SSC5D: variants seen among roughly 807,000 people sequenced by gnomAD.
The protein encoded by SSC5D is soluble scavenger receptor cysteine-rich domain-containing protein SSC5D.
Under a neutral mutation model 104.6 loss-of-function variants are expected in SSC5D, and 106 were observed. The ratio of observed to expected loss-of-function variants is 1.01; its 90% CI spans 0.87 to 1.19. SSC5D has a LOEUF of 1.19. Ranked by LOEUF, SSC5D falls within the 50% of genes most tolerant of loss-of-function variation. The pLI is 0.00. For synonymous variants in SSC5D, 860 were observed against 883.5 expected, an observed-to-expected ratio of 0.97 and a Z score of 0.47; for missense variants, 1,993 against 2,153.8, an observed-to-expected ratio of 0.93 and a Z score of 1.48.
At chr19:55,514,798 T>C (rs1293282180) in intron 13 of SSC5D, among the ~76,000 whole-genome samples, 3 of 152,154 alleles carry the variant, frequency 2.0e-5, no homozygotes, top group African/African-American at 7.2e-5. Flanking sequence ...CTAAGTGCTT[T>C]GCACAACCAT....
intron 12 of SSC5D, chr19:55,504,079 C>T (rs1235328918): frequency 2.0e-6 from 3 of 1,527,820 alleles, no homozygotes; most frequent in African/African-American, 1.4e-5. Context: ...GGTGGGTGGG[C>T]TCCAGCTGTG....
chr19:55,493,745 G>A lies in SSC5D; in HGVS notation c.1046G>A (p.Gly349Glu). ...AVACRELGCG[G>E]ALAAPGGAFF... ...GCCTGCCGAGAGCTGGGCTGCGGAG[G>A]GGCGCTGGCCGCCCCCGGGGGCGCC... The change falls in exon 7 of 14, where the codon GGG becomes GAG. Residue 349 changes from glycine to glutamate, a missense_variant. This residue lies in a region of SSC5D where 1,101 missense variants were observed against 1,085.0 expected (regional missense o/e 1.01). Coordinates refer to ENST00000389623, the MANE Select transcript of SSC5D (RefSeq NM_001144950.2). 6.6e-7 allele frequency: 1 copy of A among 1,525,810 alleles called. No homozygotes were observed. Among genetic ancestry groups the A allele is most frequent in the Non-Finnish European group, 8.8e-7 (1 of 1,138,080 alleles). 94.5% of individuals were successfully genotyped at this position (1,525,810 alleles called of 1,614,324 possible).
In SSC5D at chr19:55,489,874, C is replaced by A. The variant is rs767850990; in HGVS notation, c.362-8C>A. 1.0e-5 allele frequency: 16 copies of A among 1,547,904 alleles called. No homozygotes were observed. The South Asian group carries it at 1.8e-4, about 17-fold the overall frequency. ...CTCATAGCTTCTGTCCCTGCCCCCCCGCCGCAGGTCAGCGTGTGGCTAACT... is the reference window on the plus strand; with the variant it reads ...CTCATAGCTTCTGTCCCTGCCCCCCAGCCGCAGGTCAGCGTGTGGCTAACT... On this transcript the variant is annotated splice_region_variant and splice_polypyrimidine_tract_variant and intron_variant, in intron 3 of 13. Coordinates refer to ENST00000389623, the MANE Select transcript of SSC5D (RefSeq NM_001144950.2).
chr19:55,489,057 T>TGGGGGGGGGGGGGGGGGGGGG, intron 2 of SSC5D, 25 bp downstream of exon 2: 3 of 1,247,970 alleles, frequency 2.4e-6, no homozygotes, highest in East Asian at 7.3e-5. Flanking sequence ...TCCTCCCATC[T>TGGGGGGGGGGGGGGGGGGGGG]GCCCGCCCCC....
chr19:55,517,740 C>A lies in SSC5D; in HGVS notation c.3464C>A (p.Pro1155His), dbSNP rs1443803196. Residue 1155 changes from proline (P) to histidine (H), a missense_variant, in exon 14 of 14, where the codon CCT becomes CAT. This residue lies in a region of SSC5D where 30 missense variants were observed against 52.4 expected (regional missense o/e 0.57). Transcript: ENST00000389623. ...CCAAGCCCTCACCCCACTACTACCC[C>A]TGATCCCACCATGGCCCCTGACCCC... ...PSPSPHPTTTPDPTMAPDPIT... is the reference protein window; with the variant it reads ...PSPSPHPTTTHDPTMAPDPIT... 2.6e-6 allele frequency: 4 copies of A among 1,549,808 alleles called. No individual in the cohort carries two copies. Among genetic ancestry groups the A allele is most frequent in the Non-Finnish European group, 3.5e-6 (4 of 1,146,278 alleles).
At position 55,489,875 on chromosome 19, in the gene SSC5D, G is replaced by A. The variant is rs756128961; in HGVS notation, c.362-7G>A. On this transcript the variant is annotated splice_region_variant and splice_polypyrimidine_tract_variant and intron_variant, in intron 3 of 13. Transcript: ENST00000389623. Reference sequence around the variant, plus strand: ...TCATAGCTTCTGTCCCTGCCCCCCCGCCGCAGGTCAGCGTGTGGCTAACTC... The same window carrying A: ...TCATAGCTTCTGTCCCTGCCCCCCCACCGCAGGTCAGCGTGTGGCTAACTC... 14 of 1,540,144 alleles carry A rather than the reference G, an allele frequency of 9.1e-6. No individual in the cohort carries two copies. Among genetic ancestry groups the A allele is most frequent in the South Asian group, 7.2e-5 (6 of 83,524 alleles).
At chr19:55,513,208 G>C in intron 13 of SSC5D, 36 bp downstream of exon 13, 1 of 1,453,744 alleles carries the variant, frequency 6.9e-7, no homozygotes, top group Non-Finnish European at 9.1e-7. Context: ...GACTGGGACG[G>C]TATTTGTCCT....
intron 12 of SSC5D, chr19:55,504,184 T>C: frequency 6.5e-7 from 1 of 1,534,860 alleles, no homozygotes; most frequent in Non-Finnish European, 8.7e-7. Flanking sequence ...AGCGCCTCCC[T>C]AGCCCATAGC....
At position 55,488,588 on chromosome 19, in the gene SSC5D, C is replaced by T. The variant is rs1317591111; in HGVS notation, c.-2C>T. 1.3e-6 allele frequency: 2 copies of T among 1,550,172 alleles called. No homozygotes were observed. The highest frequency in any genetic ancestry group is 1.7e-6 in the Non-Finnish European group (2 of 1,146,514). ...ACCCCATCCCCTGCCCTGGCTGCAACCATGAGGGTCTTGGCCTGCCTCCTT... is the reference window on the plus strand; with the variant it reads ...ACCCCATCCCCTGCCCTGGCTGCAATCATGAGGGTCTTGGCCTGCCTCCTT... On this transcript the variant is annotated 5_prime_UTR_variant, in exon 1 of 14. Coordinates refer to ENST00000389623, the MANE Select transcript of SSC5D (RefSeq NM_001144950.2).
At chr19:55,490,238 C>T in intron 4 of SSC5D, 60 bp from the exon 5 acceptor site, 2 of 672,098 alleles carry the variant, frequency 3.0e-6, no homozygotes, top group Non-Finnish European at 5.4e-6. Context: ...GGCCTGGGCC[C>T]CCAGGTGGGA....
intron 1 of SSC5D, 29 bp downstream of exon 1, chr19:55,488,643 G>C (rs1008406132): frequency 3.9e-6 from 6 of 1,543,076 alleles, no homozygotes; most frequent in Non-Finnish European, 5.3e-6. Context: ...TTGGGGACTC[G>C]GGGGGCCTAG....
chr19:55,494,523 T>C (rs1308293217), intron 7 of SSC5D, 87 bp from the exon 8 acceptor site: 24 of 1,376,176 alleles, frequency 1.7e-5, no homozygotes, highest in Non-Finnish European at 2.2e-5. Flanking sequence ...CTGAGAGGAC[T>C]GAGGAAGGAT....
intron 12 of SSC5D, among the ~76,000 whole-genome samples, chr19:55,507,556 C>T (rs1170811249): frequency 6.6e-6 from 1 of 150,714 alleles, no homozygotes; most frequent in Non-Finnish European, 1.5e-5. Flanking sequence ...ATCCCAGCTA[C>T]TCGGGAGGCT....
intron 9 of SSC5D, among the ~76,000 whole-genome samples, chr19:55,498,907 G>A (rs1987397960): frequency 6.6e-6 from 1 of 152,198 alleles, no homozygotes; most frequent in African/African-American, 2.4e-5. Flanking sequence ...GCCAAGGGAA[G>A]AGGCGCCTGA....
At position 55,493,914 on chromosome 19, in the gene SSC5D, T is replaced by C. The variant is rs1207389154; in HGVS notation, c.1213+2T>C. The C allele has an allele frequency of 1.7e-5, 22 of 1,275,916 alleles. No individual in the cohort carries two copies. The highest frequency in any genetic ancestry group is 2.0e-5 in the Non-Finnish European group (20 of 988,060). 79.0% of individuals were successfully genotyped at this position (1,275,916 alleles called of 1,614,324 possible). ...AGGACGCCGGGGCCGTGTGTGACGG[T>C]GAGGGGGTTGTGGTGGAGGACCGGG... On this transcript the variant is annotated splice_donor_variant, in intron 7 of 13. Coordinates refer to ENST00000389623, the MANE Select transcript of SSC5D (RefSeq NM_001144950.2). LOFTEE classifies it high-confidence loss of function.
In SSC5D at chr19:55,488,943, C is replaced by T. The variant is rs1461729439; in HGVS notation, c.26-63C>T. ...GGGTATTCAAGATGAGGGGCCTGCG[C>T]TGGAGAAAGGGCCACCCCCGGCCTG... On this transcript the variant is annotated intron_variant, in intron 1 of 13. Coordinates refer to ENST00000389623, the MANE Select transcript of SSC5D (RefSeq NM_001144950.2). 3.5e-6 allele frequency: 4 copies of T among 1,139,996 alleles called. No homozygotes were observed. The African/African-American group carries it at 4.6e-5, about 13-fold the overall frequency. 70.6% of individuals were successfully genotyped at this position (1,139,996 alleles called of 1,614,324 possible).
chr19:55,519,055 A>C lies in SSC5D; in HGVS notation c.*57A>C, dbSNP rs931321421. The C allele has an allele frequency of 2.7e-6, 4 of 1,492,490 alleles. No homozygotes were observed. The African/African-American group carries it at 4.3e-5, about 16-fold the overall frequency. The allele number at this position is 1,492,490 out of a possible 1,614,324, so 92.5% of individuals were successfully genotyped here. Reference sequence around the variant, plus strand: ...CCCCAACCAAAAAAAACAAAAACAAAAAAAACCCCCAAAGTATCTAATTAA... The same window carrying C: ...CCCCAACCAAAAAAAACAAAAACAACAAAAACCCCCAAAGTATCTAATTAA... On this transcript the variant is annotated 3_prime_UTR_variant, in exon 14 of 14. Coordinates refer to ENST00000389623, the MANE Select transcript of SSC5D (RefSeq NM_001144950.2).
chr19:55,491,109 C>T (rs1987133100), intron 6 of SSC5D, 29 bp downstream of exon 6: 2 of 1,531,798 alleles, frequency 1.3e-6, no homozygotes, highest in Admixed American at 4.2e-5. Flanking sequence ...TGGCCCCCTC[C>T]TGTCTTCCTC....
At chr19:55,490,270 C>T in intron 4 of SSC5D, 28 bp from the exon 5 acceptor site, 1 of 734,628 alleles carries the variant, frequency 1.4e-6, no homozygotes, top group Non-Finnish European at 2.4e-6. Flanking sequence ...GGGCTCAGCT[C>T]CTGACCCCTG....
Sources: allele counts gnomAD v4.1 joint callset (sites outside exome capture counted in the v4.1 genomes callset), GRCh38; gene constraint gnomAD v4.1.1; regional missense constraint gnomAD v4.1.1; transcripts MANE v1.5; gene names NCBI Gene and HGNC (gene_info 2026-07-23, HGNC 2026-07-21).